Variants in ENOSF1 observed in about 807,000 individuals in gnomAD.
The protein encoded by ENOSF1 is mitochondrial enolase superfamily member 1.
A neutral mutation model predicts 68.2 loss-of-function variants in ENOSF1; 73 were observed. The ratio of observed to expected loss-of-function variants is 1.07; its 90% CI spans 0.89 to 1.30. The LOEUF (loss-of-function observed/expected upper bound fraction) is 1.30, where lower values mean the gene tolerates loss of function less well. Ranked by LOEUF, ENOSF1 falls within the 50% of genes most tolerant of loss-of-function variation. The pLI is 0.00. For synonymous variants in ENOSF1, 223 were observed against 210.4 expected, an observed-to-expected ratio of 1.06 and a Z score of -0.52; for missense variants, 589 against 554.5, an observed-to-expected ratio of 1.06 and a Z score of -0.62.
chr18:679,637 T>C (rs2847324), intron 11 of ENOSF1, among the ~76,000 whole-genome samples: 36,123 of 151,724 alleles, frequency 0.24, 4,574 homozygotes, highest in Admixed American at 0.28. Flanking sequence ...GCTGAGACCA[T>C]TGCTCACCTG....
chr18:694,105 C>T (rs2077479469), intron 4 of ENOSF1, 143 bp downstream of exon 4: 4 of 1,068,376 alleles, frequency 3.7e-6, no homozygotes, highest in Non-Finnish European at 5.4e-6. Flanking sequence ...CTGCCAAAAC[C>T]TCTCAGAGGA....
chr18:672,949 T>A lies in ENOSF1; in HGVS notation c.*1356A>T. 1 of 1,596,004 alleles carries A rather than the reference T, an allele frequency of 6.3e-7. No individual in the cohort carries two copies. ...ACTTCAAAGCTGAAGACTTTCAGAT[T>A]GAAGGGTACAATCCGCATCCAACTA... On this transcript the variant is annotated 3_prime_UTR_variant, in exon 16 of 16. Coordinates refer to ENST00000647584, the MANE Select transcript of ENOSF1 (RefSeq NM_017512.7).
At chr18:707,506 G>A (rs1466997091) in intron 1 of ENOSF1, 1 of 152,210 alleles carries the variant, frequency 6.6e-6, no homozygotes, top group Non-Finnish European at 1.5e-5. Flanking sequence ...ATTGGCAAAA[G>A]TTCAGACACC....
rs1368006053 is a variant in ENOSF1 at position 672,194 on chromosome 18, TG to T, written c.*2110del. Reference sequence around the variant, plus strand: ...AATTGATATGAAATGGCAATAAAAATGTAAGTTCATCTGCTTCATGAGCCTT... The same window carrying T: ...AATTGATATGAAATGGCAATAAAAATTAAGTTCATCTGCTTCATGAGCCTT... On this transcript the variant is annotated 3_prime_UTR_variant, in exon 16 of 16. Coordinates refer to ENST00000647584, the MANE Select transcript of ENOSF1 (RefSeq NM_017512.7). 6.6e-6 allele frequency: 1 copy of T among 152,236 alleles called. No homozygotes were observed. Among genetic ancestry groups the T allele is most frequent in the Non-Finnish European group, 1.5e-5 (1 of 68,050 alleles). The allele number at this position is 152,236 out of a possible 1,614,324, so 9.4% of individuals were successfully genotyped here.
intron 2 of ENOSF1, among the ~76,000 whole-genome samples, chr18:698,095 CAT>C (rs1282063373): frequency 2.0e-5 from 3 of 152,192 alleles, no homozygotes; most frequent in East Asian, 1.9e-4. Flanking sequence ...TGCCCAGCCC[CAT>C]ATGTTTTCTG....
intron 3 of ENOSF1, among the ~76,000 whole-genome samples, chr18:696,074 CCTAA>C (rs1349123265): frequency 1.3e-5 from 2 of 152,092 alleles, no homozygotes; most frequent in Non-Finnish European, 2.9e-5. Flanking sequence ...TTCTCCAGAG[CCTAA>C]CTTTTTCATG....
chr18:697,488 T>C (rs1054566454), intron 2 of ENOSF1, 133 bp from the exon 3 acceptor site: 1 of 671,642 alleles, frequency 1.5e-6, no homozygotes, highest in Non-Finnish European at 2.5e-6. Context: ...CGGTGGCTCA[T>C]GCCTGTAATC....
chr18:712,412 A>C (rs982437474), intron 1 of ENOSF1, 92 bp downstream of exon 1: 11 of 926,070 alleles, frequency 1.2e-5, no homozygotes, highest in Non-Finnish European at 1.6e-5. Flanking sequence ...GTCCGCGCTT[A>C]CCATGGCGTC....
chr18:709,172 CAGATCCGGAAATG>C (rs1176087332), intron 1 of ENOSF1, among the ~76,000 whole-genome samples: 2 of 152,102 alleles, frequency 1.3e-5, no homozygotes, highest in African/African-American at 4.8e-5. Context: ...GTTAAGGAGG[CAGATCCGGAAATG>C]AGATCTGGGA....
chr18:669,543 T>C (rs2074943706), downstream of ENOSF1: 1 of 187,292 alleles, frequency 5.3e-6, no homozygotes, highest in African/African-American at 2.4e-5. Flanking sequence ...CGGCTAATTT[T>C]GTATTTTTAG....
chr18:700,117 C>T (rs973676696), intron 2 of ENOSF1, among the ~76,000 whole-genome samples: 6 of 152,148 alleles, frequency 3.9e-5, no homozygotes, highest in African/African-American at 1.2e-4. Flanking sequence ...AAGCTTTTAG[C>T]ACATGCCTGG....
At chr18:691,913 ACT>A (rs1331066202) in intron 5 of ENOSF1, 2 of 152,102 alleles carry the variant, frequency 1.3e-5, no homozygotes, top group South Asian at 2.1e-4. Flanking sequence ...GCCTGGCATC[ACT>A]CTGTACATCA....
At chr18:710,257 T>C (rs909940586) in intron 1 of ENOSF1, among the ~76,000 whole-genome samples, 1 of 152,130 alleles carries the variant, frequency 6.6e-6, no homozygotes, top group Non-Finnish European at 1.5e-5. Context: ...CACAGGTGCA[T>C]GCAACTACGC....
In ENOSF1 at chr18:674,320, A is replaced by G. The variant is rs3744962; in HGVS notation, c.1317T>C (p.Pro439=). The G allele has an allele frequency of 0.1, 160,755 of 1,608,890 alleles. 9,322 individuals carry two copies. The highest frequency in any genetic ancestry group is 0.21 in the Admixed American group (12,648 of 59,234). Residue 439 remains proline, a synonymous_variant, in exon 16 of 16, where the codon CCT becomes CCC. Transcript: ENST00000647584. ...PDGEVWKKLL[P]AQEN is the part of the protein sequence containing the mutation. ...GGCTGAGCACTTAATTTTCTTGAGC[A>G]GGAAGGAGTTTCTTCCAAACTTCAC...
Position 701,492 on chromosome 18 carries a change from C to A in ENOSF1, c.194-4137G>T, listed in dbSNP as rs904065992. Among the ~76,000 whole-genome samples, 69 of 152,056 alleles carry A rather than the reference C, an allele frequency of 4.5e-4. 1 individual carries two copies. Among genetic ancestry groups the A allele is most frequent in the Admixed American group, 3.1e-3 (47 of 15,258 alleles). ...AAAAAAGGCTGGCCACGGTGGCTCA[C>A]GCCTGTAATCCCAGCACTTTGGGAG... On this transcript the variant is annotated intron_variant, in intron 2 of 15. Coordinates refer to ENST00000647584, the MANE Select transcript of ENOSF1 (RefSeq NM_017512.7).
At chr18:701,782 T>C (rs1467635837) in intron 2 of ENOSF1, among the ~76,000 whole-genome samples, 1 of 145,672 alleles carries the variant, frequency 6.9e-6, no homozygotes, top group Non-Finnish European at 1.5e-5. Context: ...TTAGCTGGCG[T>C]GATAGTGGGC....
rs557742828 is a variant in ENOSF1 at position 712,626 on chromosome 18, G to A, written c.-39C>T. 4.5e-5 allele frequency: 68 copies of A among 1,503,018 alleles called. No individual in the cohort carries two copies. The highest frequency in any genetic ancestry group is 3.0e-4 in the East Asian group (12 of 39,700). The allele number at this position is 1,503,018 out of a possible 1,614,324, so 93.1% of individuals were successfully genotyped here. ...CGTGGCCGCGGCCCCCGTGCGGTCA[G>A]GACTGGTCGGGATCCCGAGCGCGCG... On this transcript the variant is annotated 5_prime_UTR_variant, in exon 1 of 16. Coordinates refer to ENST00000647584, the MANE Select transcript of ENOSF1 (RefSeq NM_017512.7).
At chr18:697,219 T>TAATA in intron 3 of ENOSF1, 21 bp downstream of exon 3, 2 of 1,556,152 alleles carry the variant, frequency 1.3e-6, no homozygotes, top group Non-Finnish European at 1.8e-6. Context: ...ATGTAAGCAT[T>TAATA]TTACAAAATA....
chr18:688,449 C>T, intron 9 of ENOSF1, 125 bp downstream of exon 9: 1 of 1,232,282 alleles, frequency 8.1e-7, no homozygotes, highest in Non-Finnish European at 1.2e-6. Context: ...CTTATGCATC[C>T]CTATGAGCCA....
Sources: gnomAD v4.1 joint callset for allele counts (sites outside exome capture counted in the v4.1 genomes callset) on GRCh38, gnomAD v4.1.1 for gene constraint, MANE v1.5 for transcripts, NCBI Gene and HGNC (gene_info 2026-07-23, HGNC 2026-07-21) for gene names.